The following AGBL4 variants were observed in gnomAD, a reference collection of about 807,000 sequenced individuals.
AGBL4 encodes cytosolic carboxypeptidase 6.
In AGBL4, 58 loss-of-function variants were observed where a neutral mutation model predicts 66.4. That is an observed-to-expected ratio of 0.87 (90% CI 0.71 to 1.09). The LOEUF is 1.09. Among genes scored for constraint, AGBL4 ranks in the 50% least tolerant of loss-of-function variants. The probability of loss-of-function intolerance (pLI) is 0.00; values close to 1 mark genes in which losing one functional copy is unlikely to be tolerated. For synonymous variants in AGBL4, 234 were observed against 222.9 expected, an observed-to-expected ratio of 1.05 and a Z score of -0.44; for missense variants, 579 against 631.0, an observed-to-expected ratio of 0.92 and a Z score of 0.88.
intron 4 of AGBL4, among the ~76,000 whole-genome samples, chr1:49,206,645 C>T (rs1026608645): frequency 3.9e-5 from 6 of 151,932 alleles, no homozygotes; most frequent in Admixed American, 1.3e-4. Context: ...AGTGAGTAGG[C>T]TTTAGGAATT....
chr1:49,570,918 G>A (rs1325250892), intron 3 of AGBL4, among the ~76,000 whole-genome samples: 1 of 151,900 alleles, frequency 6.6e-6, no homozygotes, highest in African/African-American at 2.4e-5. Flanking sequence ...TTATTTCTGG[G>A]TTCTCTATTC....
rs138536821 is a variant in AGBL4 at position 49,279,755 on chromosome 1, C to A, written c.283-33891G>T. Among the ~76,000 whole-genome samples the A allele has an allele frequency of 2.2e-4, 33 of 152,252 alleles. 1 individual carries two copies. The East Asian group carries it at 6.4e-3, about 29-fold the overall frequency. On this transcript the variant is annotated intron_variant, in intron 3 of 13. Coordinates refer to ENST00000371839, the MANE Select transcript of AGBL4 (RefSeq NM_032785.4). ...TGGGGGAGATCTGATCTAGCCAACT[C>A]CTATCTTGCCTTTAGCCTTTAAGCT...
intron 1 of AGBL4, among the ~76,000 whole-genome samples, chr1:49,913,455 G>T (rs897989251): frequency 2.0e-5 from 3 of 152,200 alleles, no homozygotes; most frequent in Admixed American, 2.0e-4. Context: ...GTGGATATTG[G>T]GCCCCCAAGG....
chr1:49,609,442 A>C (rs536724854), intron 3 of AGBL4, among the ~76,000 whole-genome samples: 1 of 152,266 alleles, frequency 6.6e-6, no homozygotes, highest in Admixed American at 6.5e-5. Context: ...CTCTTAAAAT[A>C]ATATGAATTC....
chr1:49,846,065 C>T, intron 2 of AGBL4: 1 of 1,582,902 alleles, frequency 6.3e-7, no homozygotes, highest in Non-Finnish European at 8.7e-7. Context: ...TCAGAGGATC[C>T]ACACAGGAGA....
At chr1:49,772,868 T>C (rs890427984) in intron 2 of AGBL4, among the ~76,000 whole-genome samples, 2 of 152,332 alleles carry the variant, frequency 1.3e-5, no homozygotes, top group South Asian at 4.1e-4. Flanking sequence ...CTCCTGTATC[T>C]GAATGTCCAT....
intron 1 of AGBL4, among the ~76,000 whole-genome samples, chr1:49,928,645 T>C (rs949704808): frequency 2.6e-5 from 4 of 152,114 alleles, no homozygotes; most frequent in Non-Finnish European, 5.9e-5. Context: ...TGATGAAAAC[T>C]ATAAACCCGT....
chr1:49,777,428 T>C (rs1014439128), intron 2 of AGBL4, among the ~76,000 whole-genome samples: 12 of 152,126 alleles, frequency 7.9e-5, no homozygotes, highest in Admixed American at 4.6e-4. Flanking sequence ...AGTATAGAAA[T>C]CATTAAAATA....
intron 3 of AGBL4, among the ~76,000 whole-genome samples, chr1:49,609,006 T>C (rs1292926995): frequency 6.6e-6 from 1 of 152,162 alleles, no homozygotes; most frequent in Non-Finnish European, 1.5e-5. Context: ...ACAAAGTTAG[T>C]AAATTGTACA....
At chr1:50,023,564 C>CA (rs1158244798) in intron 1 of AGBL4, among the ~76,000 whole-genome samples, 199 bp downstream of exon 1, 1 of 152,226 alleles carries the variant, frequency 6.6e-6, no homozygotes, top group Admixed American at 6.5e-5. Context: ...TCCCCTCCAC[C>CA]ACCCGGACTT....
chr1:49,232,049 T>C (rs1281996514), intron 4 of AGBL4, among the ~76,000 whole-genome samples: 1 of 152,188 alleles, frequency 6.6e-6, no homozygotes, highest in Middle Eastern at 3.2e-3. Context: ...TATCAGATTG[T>C]AACCCCATCA....
intron 3 of AGBL4, among the ~76,000 whole-genome samples, chr1:49,359,149 G>C (rs571212634): frequency 6.6e-6 from 1 of 152,302 alleles, no homozygotes; most frequent in Non-Finnish European, 1.5e-5. Flanking sequence ...GCTTTAGCAT[G>C]TATGAGTTAA....
At chr1:49,884,011 C>CATA (rs1247566933) in intron 1 of AGBL4, among the ~76,000 whole-genome samples, 2 of 152,062 alleles carry the variant, frequency 1.3e-5, no homozygotes. Flanking sequence ...AATAAGGTGG[C>CATA]AGAGTTATTG....
intron 3 of AGBL4, among the ~76,000 whole-genome samples, chr1:49,676,255 G>T (rs919800205): frequency 1.3e-5 from 2 of 152,004 alleles, no homozygotes; most frequent in Non-Finnish European, 2.9e-5. Flanking sequence ...TTTCCATTAA[G>T]ATAGTGTTAT....
At chr1:48,739,938 G>A (rs570941197) in intron 6 of AGBL4, among the ~76,000 whole-genome samples, 1 of 152,318 alleles carries the variant, frequency 6.6e-6, no homozygotes, top group South Asian at 2.1e-4. Flanking sequence ...TTTGCCACCT[G>A]ATTCAGTCCT....
chr1:49,357,591 C>T (rs935211691), intron 3 of AGBL4, among the ~76,000 whole-genome samples: 1 of 152,096 alleles, frequency 6.6e-6, no homozygotes, highest in Non-Finnish European at 1.5e-5. Flanking sequence ...GTGAATTTTT[C>T]TTCTCAACTA....
chr1:49,257,269 C>G (rs901260255), intron 3 of AGBL4: 4 of 152,250 alleles, frequency 2.6e-5, no homozygotes, highest in African/African-American at 9.6e-5. Flanking sequence ...GGCCTGCCCC[C>G]AGAGGTGGAG....
chr1:49,311,292 G>A (rs890429753), intron 3 of AGBL4, among the ~76,000 whole-genome samples: 3 of 151,990 alleles, frequency 2.0e-5, no homozygotes, highest in Non-Finnish European at 2.9e-5. Flanking sequence ...TTTGATGTCA[G>A]ATCTTATGAC....
intron 2 of AGBL4, among the ~76,000 whole-genome samples, chr1:49,847,706 T>G (rs956255839): frequency 3.6e-5 from 5 of 139,370 alleles, no homozygotes; most frequent in African/African-American, 1.3e-4. Context: ...AATAAACTTG[T>G]TTTTTTTTTT....
Sources: gnomAD v4.1 joint callset for allele counts (sites outside exome capture counted in the v4.1 genomes callset) on GRCh38, gnomAD v4.1.1 for gene constraint, MANE v1.5 for transcripts, NCBI Gene and HGNC (gene_info 2026-07-23, HGNC 2026-07-21) for gene names.